Variants in GJA5 observed in about 807,000 individuals in gnomAD.
GJA5 encodes the protein gap junction alpha-5 protein.
A neutral mutation model predicts 7.9 loss-of-function variants in GJA5; 3 were observed. That is an observed-to-expected ratio of 0.38 (90% confidence interval 0.17 to 0.99). GJA5 has a LOEUF of 0.99. Ranked by LOEUF, GJA5 falls within the 50% of genes least tolerant of loss-of-function variation. GJA5 has a pLI of 0.38. For missense variants in GJA5, 390 were observed against 457.9 expected (o/e 0.85, Z 1.35); for synonymous variants, 193 against 181.0 (o/e 1.07, Z -0.53).
chr1:147,766,657 G>GAACTT (rs1664215537), intron 1 of GJA5, among the ~76,000 whole-genome samples: 1 of 152,118 alleles, frequency 6.6e-6, no homozygotes, highest in Non-Finnish European at 1.5e-5. Flanking sequence ...TAGTACTGGG[G>GAACTT]AACTTATCCA....
At chr1:147,771,237 A>T (rs1410111693) in intron 1 of GJA5, among the ~76,000 whole-genome samples, 1 of 152,154 alleles carries the variant, frequency 6.6e-6, no homozygotes, top group African/African-American at 2.4e-5. Context: ...GATGAAGAGC[A>T]GGTGGGCAGG....
At chr1:147,764,523 T>C (rs981930107), upstream of GJA5, among the ~76,000 whole-genome samples, 1 of 152,108 alleles carries the variant, frequency 6.6e-6, no homozygotes, top group Non-Finnish European at 1.5e-5. Flanking sequence ...CTCAATGGTG[T>C]CTATTAAATT....
intron 1 of GJA5, among the ~76,000 whole-genome samples, chr1:147,771,823 A>T (rs587647059): frequency 6.6e-5 from 10 of 152,326 alleles, no homozygotes; most frequent in African/African-American, 2.2e-4. Flanking sequence ...TTGGAGGGAC[A>T]GCCAGGGGAG....
At chr1:147,770,616 C>T in intron 1 of GJA5, among the ~76,000 whole-genome samples, 1 of 152,046 alleles carries the variant, frequency 6.6e-6, no homozygotes, top group South Asian at 2.1e-4. Context: ...TAAATAATTT[C>T]CCCAAGATCA....
chr1:147,757,717 G>A lies in GJA5; in HGVS notation c.*445C>T. The A allele has an allele frequency of 4.9e-6, 1 of 205,706 alleles. No homozygotes were observed. The highest frequency in any genetic ancestry group is 1.0e-5 in the Non-Finnish European group (1 of 100,484). The allele number at this position is 205,706 out of a possible 1,614,324, so 12.7% of individuals were successfully genotyped here. ...ATATAATGCAAGTTCCTTGATTCAT[G>A]CTGTCTATTGGCTGGGAACTTTGAG... On this transcript the variant is annotated 3_prime_UTR_variant, in exon 2 of 2. Coordinates refer to ENST00000579774, the MANE Select transcript of GJA5 (RefSeq NM_181703.4).
upstream of GJA5, among the ~76,000 whole-genome samples, chr1:147,764,501 A>G (rs782479488): frequency 2.6e-5 from 4 of 152,234 alleles, no homozygotes; most frequent in Admixed American, 6.5e-5. Context: ...AAGGCCTGAC[A>G]CACACTGGGC....
intron 1 of GJA5, among the ~76,000 whole-genome samples, chr1:147,769,927 C>T (rs912424175): frequency 2.0e-5 from 3 of 151,732 alleles, no homozygotes; most frequent in South Asian, 2.1e-4. Flanking sequence ...AAATGTATGC[C>T]TCATGGGATG....
At chr1:147,769,285 A>C (rs1664315691) in intron 1 of GJA5, among the ~76,000 whole-genome samples, 1 of 152,236 alleles carries the variant, frequency 6.6e-6, no homozygotes, top group African/African-American at 2.4e-5. Context: ...CTGGTGTTCC[A>C]TTGATGTGAA....
At chr1:147,769,326 ATTAGGCGGAGGAAC>A (rs1418316912) in intron 1 of GJA5, among the ~76,000 whole-genome samples, 1 of 152,232 alleles carries the variant, frequency 6.6e-6, no homozygotes, top group Non-Finnish European at 1.5e-5. Flanking sequence ...AACAGCAATT[ATTAGGCGGAGGAAC>A]TTCCGGTCTC....
chr1:147,765,648 A>C (rs947768635), intron 1 of GJA5, among the ~76,000 whole-genome samples: 1 of 152,168 alleles, frequency 6.6e-6, no homozygotes, highest in African/African-American at 2.4e-5. Context: ...ATGGAAGGAG[A>C]GTCTGCATAG....
chr1:147,761,840 A>G (rs1664030283), upstream of GJA5, among the ~76,000 whole-genome samples: 2 of 152,200 alleles, frequency 1.3e-5, no homozygotes, highest in Non-Finnish European at 2.9e-5. Flanking sequence ...AAGGGGAGGA[A>G]TAAAAAGAAG....
chr1:147,771,688 G>A (rs1234982371), intron 1 of GJA5, among the ~76,000 whole-genome samples: 2 of 152,218 alleles, frequency 1.3e-5, no homozygotes, highest in Non-Finnish European at 2.9e-5. Flanking sequence ...AACGTCACAT[G>A]TGTGGGTGAA....
In GJA5 at chr1:147,759,275, CA is replaced by C; in HGVS notation, c.-33-5del. On this transcript the variant is annotated splice_polypyrimidine_tract_variant and splice_region_variant and intron_variant, in intron 1 of 1. Coordinates refer to ENST00000579774, the MANE Select transcript of GJA5 (RefSeq NM_181703.4). ...CAGGGAACAGATGCCAAAACTTCTG[CA>C]AATGGGAGAGAGAGAAAGAGAGAAA... 1 of 1,287,748 alleles carries C rather than the reference CA, an allele frequency of 7.8e-7. No homozygotes were observed. Among genetic ancestry groups the C allele is most frequent in the Non-Finnish European group, 1.1e-6 (1 of 883,798 alleles). 79.8% of individuals were successfully genotyped at this position (1,287,748 alleles called of 1,614,324 possible).
chr1:147,759,336 T>C, intron 1 of GJA5, 65 bp from the exon 2 acceptor site: 3 of 883,052 alleles, frequency 3.4e-6, no homozygotes, highest in Non-Finnish European at 5.7e-6. Context: ...CTGGAATGTC[T>C]ATCATGTTCT....
chr1:147,761,170 A>C (rs1663994034), upstream of GJA5, among the ~76,000 whole-genome samples: 1 of 152,148 alleles, frequency 6.6e-6, no homozygotes, highest in Non-Finnish European at 1.5e-5. Context: ...TTAAGCCTCT[A>C]ACCATTCCTA....
At chr1:147,769,230 C>T (rs1553228662) in intron 1 of GJA5, among the ~76,000 whole-genome samples, 1 of 152,242 alleles carries the variant, frequency 6.6e-6, no homozygotes, top group Middle Eastern at 3.2e-3. Context: ...TTCTTGGCTG[C>T]AGCAGTGTCT....
At position 147,758,952 on chromosome 1, in the gene GJA5, G is replaced by A; in HGVS notation, c.287C>T (p.Ala96Val). Residue 96 changes from alanine (A) to valine (V), a missense_variant, in exon 2 of 2, where the codon GCC becomes GTC. Around this residue, in one of 2 missense-constraint regions of GJA5, gnomAD observed 354 missense variants for 370.9 expected, o/e 0.95. Transcript: ENST00000579774. ...CTCCTGCATGCGCACAGTGTGCATG[G>A]CGTGGCCCATGTACACCAGAGAGGG... ...STPSLVYMGH[A>V]MHTVRMQEKR... 1.2e-6 allele frequency: 2 copies of A among 1,614,210 alleles called. No homozygotes were observed. Among genetic ancestry groups the A allele is most frequent in the South Asian group, 2.2e-5 (2 of 91,086 alleles).
intron 1 of GJA5, among the ~76,000 whole-genome samples, chr1:147,767,554 A>ATT (rs782337670): frequency 7.0e-6 from 1 of 143,064 alleles, no homozygotes. Context: ...TACCCAGCTA[A>ATT]TTTTTGTTAT....
intron 1 of GJA5, among the ~76,000 whole-genome samples, chr1:147,767,262 A>G (rs1216646892): frequency 6.6e-6 from 1 of 152,092 alleles, no homozygotes; most frequent in Non-Finnish European, 1.5e-5. Context: ...GATCTAGGTG[A>G]TAATAATAAT....
Sources: allele counts gnomAD v4.1 joint callset (sites outside exome capture counted in the v4.1 genomes callset), GRCh38; gene constraint gnomAD v4.1.1; regional missense constraint gnomAD v4.1.1; transcripts MANE v1.5; gene names NCBI Gene and HGNC (gene_info 2026-07-23, HGNC 2026-07-21).